Variants in PIK3C2A observed in about 807,000 individuals in gnomAD.
PIK3C2A encodes the protein phosphatidylinositol 4-phosphate 3-kinase C2 domain-containing subunit alpha.
In PIK3C2A, 97 loss-of-function variants were observed where a neutral mutation model predicts 204.5. That is an observed-to-expected ratio of 0.47 (90% CI 0.40 to 0.56). The LOEUF (loss-of-function observed/expected upper bound fraction) is 0.56. Among genes scored for constraint, PIK3C2A ranks in the 20% least tolerant of loss-of-function variants. The probability of loss-of-function intolerance (pLI) is 0.00; values close to 1 mark genes in which losing one functional copy is unlikely to be tolerated. For synonymous variants in PIK3C2A, 653 were observed against 664.4 expected, an observed-to-expected ratio of 0.98 and a Z score of 0.26; for missense variants, 1,735 against 1,969.2, an observed-to-expected ratio of 0.88 and a Z score of 2.25.
chr11:17,192,622 T>A (rs1453740783), intron 1 of PIK3C2A, among the ~76,000 whole-genome samples: 1 of 152,172 alleles, frequency 6.6e-6, no homozygotes, highest in East Asian at 1.9e-4. Context: ...AAATGTTTTA[T>A]TTTTGGTAGA....
intron 2 of PIK3C2A, among the ~76,000 whole-genome samples, chr11:17,162,460 C>A (rs953173573): frequency 6.6e-6 from 1 of 152,108 alleles, no homozygotes; most frequent in East Asian, 1.9e-4. Flanking sequence ...TTAGCCTAAA[C>A]CTGCCTCCTA....
intron 18 of PIK3C2A, 45 bp from the exon 19 acceptor site, chr11:17,117,716 T>G (rs923125066): frequency 3.4e-6 from 4 of 1,174,510 alleles, no homozygotes; most frequent in East Asian, 2.4e-5. Flanking sequence ...TGGTTTTTTT[T>G]TTTTTTTTTT....
Position 17,102,835 on chromosome 11 carries a change from T to C in PIK3C2A, c.3682-4A>G. Reference sequence around the variant, plus strand: ...AATAGATAAAGTTCTCTGAAGCCTATAAAAAACATACACAATTATTTTAGA... The same window carrying C: ...AATAGATAAAGTTCTCTGAAGCCTACAAAAAACATACACAATTATTTTAGA... On this transcript the variant is annotated splice_region_variant and splice_polypyrimidine_tract_variant and intron_variant, in intron 23 of 32. Coordinates refer to ENST00000691414, the MANE Select transcript of PIK3C2A (RefSeq NM_002645.4). 3 of 1,553,594 alleles carry C rather than the reference T, an allele frequency of 1.9e-6. No individual in the cohort carries two copies. Among genetic ancestry groups the C allele is most frequent in the Admixed American group, 2.0e-5 (1 of 50,496 alleles).
intron 1 of PIK3C2A, among the ~76,000 whole-genome samples, chr11:17,189,918 A>G (rs1293032350): frequency 6.6e-6 from 1 of 152,020 alleles, no homozygotes; most frequent in African/African-American, 2.4e-5. Flanking sequence ...AGTAAAGGAA[A>G]TAGTCAAAAT....
Position 17,087,039 on chromosome 11 carries a change from G to A in PIK3C2A, c.*2699C>T, listed in dbSNP as rs775519655. On this transcript the variant is annotated 3_prime_UTR_variant, in exon 33 of 33. Coordinates refer to ENST00000691414, the MANE Select transcript of PIK3C2A (RefSeq NM_002645.4). ...AATATCAGTGCAAGTTCTACATTGG[G>A]TTCCTCAGTAGAGAAAATAATAGGT... The A allele has an allele frequency of 1.1e-4, 16 of 152,144 alleles. No homozygotes were observed. Among genetic ancestry groups the A allele is most frequent in the Non-Finnish European group, 2.1e-4 (14 of 67,998 alleles). 9.4% of individuals were successfully genotyped at this position (152,144 alleles called of 1,614,324 possible).
intron 32 of PIK3C2A, 115 bp from the exon 33 acceptor site, chr11:17,090,035 A>G: frequency 4.2e-6 from 3 of 707,062 alleles, no homozygotes; most frequent in Non-Finnish European, 7.2e-6. Context: ...AATGAGTGAC[A>G]CTGATTATGA....
chr11:17,161,176 T>C (rs1590977710), intron 2 of PIK3C2A, among the ~76,000 whole-genome samples: 1 of 152,310 alleles, frequency 6.6e-6, no homozygotes, highest in Non-Finnish European at 1.5e-5. Context: ...TCATGCCACA[T>C]TACCCAGAAA....
intron 8 of PIK3C2A, among the ~76,000 whole-genome samples, chr11:17,143,637 A>C (rs199555438): frequency 5.3e-4 from 72 of 134,692 alleles, no homozygotes; most frequent in African/African-American, 1.3e-3. Context: ...AAAAAAAAAA[A>C]CAAAAAAAAA....
chr11:17,143,556 C>A (rs545986404), intron 8 of PIK3C2A, among the ~76,000 whole-genome samples: 1 of 150,852 alleles, frequency 6.6e-6, no homozygotes, highest in Non-Finnish European at 1.5e-5. Context: ...TCAGGATACA[C>A]AATCTCTGTT....
At chr11:17,143,748 C>T (rs922406398) in intron 8 of PIK3C2A, among the ~76,000 whole-genome samples, 7 of 152,070 alleles carry the variant, frequency 4.6e-5, no homozygotes, top group Admixed American at 2.6e-4. Context: ...ACCAGCCTGA[C>T]CAACATGGTG....
chr11:17,166,342 A>G (rs1850947740), intron 2 of PIK3C2A, among the ~76,000 whole-genome samples: 1 of 152,180 alleles, frequency 6.6e-6, no homozygotes, highest in South Asian at 2.1e-4. Flanking sequence ...AAAAGCATGT[A>G]AGTTCTTGGG....
At chr11:17,155,414 G>A in intron 3 of PIK3C2A, 112 bp downstream of exon 3, 1 of 577,438 alleles carries the variant, frequency 1.7e-6, no homozygotes, top group Non-Finnish European at 3.1e-6. Flanking sequence ...GACTTGAAAT[G>A]TTAGCCACAA....
intron 1 of PIK3C2A, among the ~76,000 whole-genome samples, chr11:17,175,712 T>C (rs1851313225): frequency 6.6e-6 from 1 of 152,202 alleles, no homozygotes. Flanking sequence ...AATTAAACTA[T>C]TTAGTTAAAC....
chr11:17,101,193 C>A, intron 25 of PIK3C2A, 85 bp downstream of exon 25: 3 of 832,248 alleles, frequency 3.6e-6, no homozygotes, highest in Non-Finnish European at 5.3e-6. Flanking sequence ...AATTTTATTC[C>A]AAAATCACAA....
chr11:17,196,511 T>G (rs755663817), intron 1 of PIK3C2A, among the ~76,000 whole-genome samples: 11 of 152,076 alleles, frequency 7.2e-5, no homozygotes, highest in Admixed American at 1.3e-4. Context: ...AGACAGTAAA[T>G]GAAATAGGAG....
At chr11:17,100,014 C>T (rs772596329) in intron 25 of PIK3C2A, 45 bp from the exon 26 acceptor site, 11 of 920,116 alleles carry the variant, frequency 1.2e-5, no homozygotes, top group Non-Finnish European at 2.0e-5. Context: ...TTTTTTAAAA[C>T]ATTTGTTCCT....
intron 2 of PIK3C2A, among the ~76,000 whole-genome samples, chr11:17,167,648 CAACA>C (rs1851010505): frequency 6.6e-6 from 1 of 152,076 alleles, no homozygotes; most frequent in Non-Finnish European, 1.5e-5. Context: ...TAAATAAAGT[CAACA>C]ATTCAACATA....
intron 1 of PIK3C2A, among the ~76,000 whole-genome samples, chr11:17,207,052 T>C (rs1196967438): frequency 6.6e-6 from 1 of 152,170 alleles, no homozygotes; most frequent in African/African-American, 2.4e-5. Flanking sequence ...CTTTTTTCCT[T>C]AGTTTCTCCT....
intron 1 of PIK3C2A, among the ~76,000 whole-genome samples, chr11:17,173,052 A>G (rs1274258311): frequency 6.6e-6 from 1 of 152,180 alleles, no homozygotes; most frequent in Non-Finnish European, 1.5e-5. Context: ...CCCAATTCAA[A>G]TACTGTCTCC....
Sources: gnomAD v4.1 joint callset for allele counts (sites outside exome capture counted in the v4.1 genomes callset) on GRCh38, gnomAD v4.1.1 for gene constraint, MANE v1.5 for transcripts, NCBI Gene and HGNC (gene_info 2026-07-23, HGNC 2026-07-21) for gene names.